ADGRL3: variants seen among roughly 807,000 people sequenced by gnomAD.
The protein encoded by ADGRL3 is adhesion G protein-coupled receptor L3.
ADGRL3 carries 62 observed loss-of-function variants against 153.5 expected under a neutral mutation model. The ratio of observed to expected loss-of-function variants is 0.40; its 90% CI spans 0.33 to 0.50. The LOEUF (loss-of-function observed/expected upper bound fraction) is 0.50. Among genes scored for constraint, ADGRL3 ranks in the 20% least tolerant of loss-of-function variants. The pLI, the probability that ADGRL3 is intolerant of heterozygous loss-of-function variation, is 0.47. For missense variants in ADGRL3, 1,641 were observed against 1,859.4 expected (o/e 0.88, Z 2.16); for synonymous variants, 710 against 672.5 (o/e 1.06, Z -0.86).
rs2099121553 is a variant in ADGRL3 at position 61,996,326 on chromosome 4, G to A, written c.3272G>A (p.Ser1091Asn). The A allele has an allele frequency of 6.2e-7, 1 of 1,612,900 alleles. No individual in the cohort carries two copies. ...CGACTTGACACCTACTTCATTTGGA[G>A]TTTTATAGGACCAGCAACTTTGATA... ...WLRLDTYFIW[S>N]FIGPATLIIM... Residue 1091 changes from serine to asparagine, a missense_variant, in exon 20 of 27, where the codon AGT becomes AAT. Transcript: ENST00000683033.
chr4:61,418,745 G>A (rs965906472), intron 2 of ADGRL3, among the ~76,000 whole-genome samples: 4 of 150,662 alleles, frequency 2.7e-5, no homozygotes, highest in African/African-American at 9.9e-5. Flanking sequence ...ACATTAATAT[G>A]TGTTAATGAA....
intron 1 of ADGRL3, among the ~76,000 whole-genome samples, chr4:61,285,288 T>A (rs2093890385): frequency 6.6e-6 from 1 of 151,878 alleles, no homozygotes; most frequent in South Asian, 2.1e-4. Flanking sequence ...AAATATTTAT[T>A]GACAAATGGG....
At position 62,069,307 on chromosome 4, in the gene ADGRL3, G is replaced by A. The variant is rs988299211; in HGVS notation, c.3833-802G>A. On this transcript the variant is annotated intron_variant, in intron 26 of 26. Transcript: ENST00000683033. ...CAATGTTTTTAGGCACCAGATACCTGTGTCTTTACACATTCTTTTGTAGTA... is the reference window on the plus strand; with the variant it reads ...CAATGTTTTTAGGCACCAGATACCTATGTCTTTACACATTCTTTTGTAGTA... Among the ~76,000 whole-genome samples the A allele has an allele frequency of 6.6e-5, 10 of 152,040 alleles. No individual in the cohort carries two copies. In the South Asian group the frequency reaches 1.9e-3, roughly 28 times the overall value.
intron 1 of ADGRL3, among the ~76,000 whole-genome samples, chr4:61,241,242 A>G (rs1754820135): frequency 6.6e-6 from 1 of 152,024 alleles, no homozygotes; most frequent in East Asian, 1.9e-4. Flanking sequence ...TTAGATGAAT[A>G]AAGAGATAGG....
intron 13 of ADGRL3, among the ~76,000 whole-genome samples, chr4:61,922,147 A>G (rs1026681815): frequency 6.6e-6 from 1 of 152,196 alleles, no homozygotes; most frequent in South Asian, 2.1e-4. Context: ...GTTTGCTCTT[A>G]TCAATGTGTA....
intron 6 of ADGRL3, among the ~76,000 whole-genome samples, chr4:61,698,449 C>CA (rs1485721631): frequency 1.3e-5 from 2 of 151,774 alleles, no homozygotes; most frequent in African/African-American, 2.4e-5. Context: ...GACTCCATCT[C>CA]AAACAAACAA....
intron 25 of ADGRL3, among the ~76,000 whole-genome samples, chr4:62,051,730 A>G (rs1734332741): frequency 6.6e-6 from 1 of 151,784 alleles, no homozygotes; most frequent in African/African-American, 2.4e-5. Flanking sequence ...TTTTTGATTT[A>G]TTACGTTATT....
intron 6 of ADGRL3, among the ~76,000 whole-genome samples, chr4:61,698,797 T>C (rs2095692321): frequency 6.6e-6 from 1 of 152,206 alleles, no homozygotes; most frequent in Admixed American, 6.5e-5. Context: ...GCATATTACA[T>C]AGGCTTCCCG....
At chr4:61,749,576 G>A (rs2096723772) in intron 8 of ADGRL3, among the ~76,000 whole-genome samples, 1 of 152,068 alleles carries the variant, frequency 6.6e-6, no homozygotes, top group African/African-American at 2.4e-5. Context: ...GGATGAAATT[G>A]GAAATCATCA....
intron 9 of ADGRL3, among the ~76,000 whole-genome samples, chr4:61,842,110 G>T (rs1163576234): frequency 2.0e-5 from 3 of 152,036 alleles, no homozygotes; most frequent in Admixed American, 6.6e-5. Context: ...TGTTAAAAAG[G>T]CACTAGTGAA....
chr4:61,802,869 C>T (rs2097515192), intron 8 of ADGRL3, among the ~76,000 whole-genome samples: 1 of 151,976 alleles, frequency 6.6e-6, no homozygotes, highest in South Asian at 2.1e-4. Flanking sequence ...TGCTGCTTTG[C>T]TTGTTTCCCC....
At chr4:61,959,804 GA>G (rs1342376831) in intron 17 of ADGRL3, among the ~76,000 whole-genome samples, 1 of 152,010 alleles carries the variant, frequency 6.6e-6, no homozygotes, top group Non-Finnish European at 1.5e-5. Flanking sequence ...TTTATTATTA[GA>G]AAACAAAATA....
At chr4:61,646,018 C>T (rs565959866) in intron 5 of ADGRL3, among the ~76,000 whole-genome samples, 5 of 152,252 alleles carry the variant, frequency 3.3e-5, no homozygotes, top group South Asian at 2.1e-4. Flanking sequence ...CTTCCCTTCT[C>T]GCTTCATTTC....
intron 17 of ADGRL3, among the ~76,000 whole-genome samples, chr4:61,956,331 TGTC>T (rs200275627): frequency 0.018 from 2,770 of 152,304 alleles, 91 homozygotes; most frequent in African/African-American, 0.064. Flanking sequence ...GCTGCGTAAA[TGTC>T]GTCTTTGGAG....
At chr4:61,769,602 G>C (rs1383045550) in intron 8 of ADGRL3, among the ~76,000 whole-genome samples, 1 of 152,102 alleles carries the variant, frequency 6.6e-6, no homozygotes, top group Non-Finnish European at 1.5e-5. Context: ...CATGGCTGTT[G>C]CTCACTTCAC....
intron 1 of ADGRL3, among the ~76,000 whole-genome samples, chr4:61,274,942 A>G (rs1382829453): frequency 6.6e-6 from 1 of 152,070 alleles, no homozygotes; most frequent in Non-Finnish European, 1.5e-5. Context: ...ACAAAACAAG[A>G]TGGACACTTT....
intron 9 of ADGRL3, among the ~76,000 whole-genome samples, chr4:61,814,318 C>G (rs549267484): frequency 8.8e-4 from 132 of 150,508 alleles, no homozygotes; most frequent in African/African-American, 3.1e-3. Context: ...TATTCTAAGT[C>G]ATTTTATATT....
chr4:62,003,327 T>C (rs984864148), intron 21 of ADGRL3, among the ~76,000 whole-genome samples: 3 of 152,128 alleles, frequency 2.0e-5, no homozygotes, highest in African/African-American at 7.2e-5. Flanking sequence ...AACAAGTATT[T>C]GCTTAAAGAT....
chr4:61,927,735 G>A (rs1406873902), intron 13 of ADGRL3, among the ~76,000 whole-genome samples: 6 of 151,988 alleles, frequency 3.9e-5, no homozygotes, highest in Non-Finnish European at 7.4e-5. Flanking sequence ...ATATCTAAAC[G>A]CATATTGCAG....
Sources: allele counts gnomAD v4.1 joint callset (sites outside exome capture counted in the v4.1 genomes callset), GRCh38; gene constraint gnomAD v4.1.1; transcripts MANE v1.5; gene names NCBI Gene and HGNC (gene_info 2026-07-23, HGNC 2026-07-21).